The following THSD7A variants were observed in gnomAD, a reference collection of about 807,000 sequenced individuals.
THSD7A encodes thrombospondin type-1 domain-containing protein 7A.
THSD7A carries 96 observed loss-of-function variants against 231.3 expected under a neutral mutation model. The observed-to-expected ratio is 0.41, with a 90% CI of 0.35 to 0.49. The LOEUF (loss-of-function observed/expected upper bound fraction) is 0.49, where lower values mean the gene tolerates loss of function less well. Among genes scored for constraint, THSD7A ranks in the 20% least tolerant of loss-of-function variants. The pLI, the probability that THSD7A is intolerant of heterozygous loss-of-function variation, is 0.05. For missense variants in THSD7A, 2,290 were observed against 2,070.2 expected (o/e 1.11, Z -2.06); for synonymous variants, 940 against 743.3 (o/e 1.26, Z -4.30).
chr7:11,741,314 T>G (rs1207534699), intron 1 of THSD7A, among the ~76,000 whole-genome samples: 2 of 151,918 alleles, frequency 1.3e-5, no homozygotes, highest in South Asian at 2.1e-4. Flanking sequence ...GTTTAAGAGA[T>G]CCAAAGGGGA....
rs1210228314 is a variant in THSD7A at position 11,411,180 on chromosome 7, C to T, written c.3798+27G>A. 6.4e-6 allele frequency: 10 copies of T among 1,555,980 alleles called. No individual in the cohort carries two copies. The highest frequency in any genetic ancestry group is 4.5e-5 in the East Asian group (2 of 44,606). ...AAATTATTAGGGAAGAATTTACTCGCGAAGATATAACACAGCATCCACCTA... is the reference window on the plus strand; with the variant it reads ...AAATTATTAGGGAAGAATTTACTCGTGAAGATATAACACAGCATCCACCTA... On this transcript the variant is annotated intron_variant, in intron 19 of 27. Coordinates refer to ENST00000423059, the MANE Select transcript of THSD7A (RefSeq NM_015204.3). This position sits in a 1 kb window ranked among gnomAD's most constrained non-coding sequence, Gnocchi z 4.1.
At chr7:11,495,785 T>C (rs1478157039) in intron 6 of THSD7A, among the ~76,000 whole-genome samples, 1 of 152,142 alleles carries the variant, frequency 6.6e-6, no homozygotes, top group Non-Finnish European at 1.5e-5. Flanking sequence ...TTTTGAAGTC[T>C]TTACCCTGAG....
At chr7:11,515,966 G>C (rs994255042) in intron 6 of THSD7A, among the ~76,000 whole-genome samples, 1 of 152,222 alleles carries the variant, frequency 6.6e-6, no homozygotes, top group South Asian at 2.1e-4. Context: ...ATGATTTAAA[G>C]TATACTGTGA....
chr7:11,470,290 A>G (rs1459129485), intron 8 of THSD7A, among the ~76,000 whole-genome samples: 1 of 152,104 alleles, frequency 6.6e-6, no homozygotes, highest in Non-Finnish European at 1.5e-5. Flanking sequence ...CTCTCCATTA[A>G]TAAGTATTTA....
chr7:11,568,867 A>G (rs1238779711), intron 4 of THSD7A, among the ~76,000 whole-genome samples: 2 of 151,862 alleles, frequency 1.3e-5, no homozygotes, highest in Non-Finnish European at 2.9e-5. Flanking sequence ...TGATAAAAAT[A>G]AAATTTCAGT....
chr7:11,812,251 T>C (rs954513751), intron 1 of THSD7A, among the ~76,000 whole-genome samples: 1 of 152,024 alleles, frequency 6.6e-6, no homozygotes, highest in Non-Finnish European at 1.5e-5. Context: ...TGGTGTTCAA[T>C]TTAAACTCCT....
chr7:11,524,874 A>G (rs1330640420), intron 6 of THSD7A, among the ~76,000 whole-genome samples: 1 of 152,236 alleles, frequency 6.6e-6, no homozygotes, highest in East Asian at 1.9e-4. Context: ...GAAGAGTTCA[A>G]AAAAAGAAAG....
At position 11,677,584 on chromosome 7, in the gene THSD7A, C is replaced by CAAAAAAAAAAA. The variant is rs553030554; in HGVS notation, c.191-40634_191-40624dup. On this transcript the variant is annotated intron_variant, in intron 1 of 27. Coordinates refer to ENST00000423059, the MANE Select transcript of THSD7A (RefSeq NM_015204.3). ...GAAGATTGACCAAGCAAATGGAAAG[C>CAAAAAAAAAAA]AAAAAAAAAAAAAAAAAAAAAAAAA... Among the ~76,000 whole-genome samples the CAAAAAAAAAAA allele has an allele frequency of 4.9e-4, 11 of 22,272 alleles. 2 individuals carry two copies. Among genetic ancestry groups the CAAAAAAAAAAA allele is most frequent in the East Asian group, 3.2e-3 (1 of 316 alleles). The allele number at this position is 22,272 out of a possible 152,430, so 14.6% of individuals were successfully genotyped here.
chr7:11,540,731 T>A (rs1484400419), intron 6 of THSD7A, among the ~76,000 whole-genome samples: 2 of 152,168 alleles, frequency 1.3e-5, no homozygotes, highest in East Asian at 3.9e-4. Flanking sequence ...GGAAGGAAGG[T>A]AAAAATCTTA....
In THSD7A at chr7:11,445,999, G is replaced by A. The variant is rs936833112; in HGVS notation, c.3064+62C>T. 1.1e-5 allele frequency: 18 copies of A among 1,585,688 alleles called. No homozygotes were observed. In the East Asian group the frequency reaches 1.3e-4, roughly 12 times the overall value. On this transcript the variant is annotated intron_variant, in intron 13 of 27. Transcript: ENST00000423059. ...CTTCACTTCCATTCCACTATGATGC[G>A]TGTGCATTTTCCCTCCACACTCCCG...
intron 19 of THSD7A, among the ~76,000 whole-genome samples, chr7:11,409,516 A>G (rs1478092336): frequency 1.3e-5 from 2 of 152,254 alleles, no homozygotes; most frequent in Non-Finnish European, 2.9e-5. Flanking sequence ...ATTCGATGTA[A>G]GAAATCAAGA....
At chr7:11,552,487 A>G (rs1334201175) in intron 4 of THSD7A, among the ~76,000 whole-genome samples, 1 of 152,068 alleles carries the variant, frequency 6.6e-6, no homozygotes, top group Non-Finnish European at 1.5e-5. Context: ...CAAAATTTTG[A>G]GCTACAAAAA....
chr7:11,412,515 A>T, intron 18 of THSD7A, 141 bp downstream of exon 18: 1 of 986,384 alleles, frequency 1.0e-6, no homozygotes, highest in Non-Finnish European at 1.4e-6. Context: ...TCTGTCATTT[A>T]ATATGTAATT....
chr7:11,529,156 T>C (rs767203564), intron 6 of THSD7A, among the ~76,000 whole-genome samples: 11 of 152,170 alleles, frequency 7.2e-5, no homozygotes, highest in Non-Finnish European at 1.6e-4. Flanking sequence ...ATAAGTTTGG[T>C]CAAACTCACA....
At chr7:11,462,418 C>T (rs1274768628) in intron 9 of THSD7A, among the ~76,000 whole-genome samples, 1 of 152,130 alleles carries the variant, frequency 6.6e-6, no homozygotes, top group Non-Finnish European at 1.5e-5. Context: ...AAAGTAATTG[C>T]TCTTTTGTAT....
intron 9 of THSD7A, 82 bp from the exon 10 acceptor site, chr7:11,462,225 A>G (rs2128298581): frequency 2.0e-6 from 3 of 1,465,150 alleles, no homozygotes; most frequent in Non-Finnish European, 1.9e-6. Context: ...AAGAAATTAC[A>G]TTGCCTCCAG....
chr7:11,688,804 A>G (rs1201159660), intron 1 of THSD7A, among the ~76,000 whole-genome samples: 1 of 151,814 alleles, frequency 6.6e-6, no homozygotes, highest in Non-Finnish European at 1.5e-5. Context: ...CATTTCATCA[A>G]GTTCACTACT....
intron 7 of THSD7A, among the ~76,000 whole-genome samples, chr7:11,477,590 G>A (rs971501252): frequency 1.3e-5 from 2 of 151,982 alleles, no homozygotes; most frequent in East Asian, 1.9e-4. Flanking sequence ...TGGTCTGTTG[G>A]TATTATTATT....
chr7:11,474,415 C>A lies in THSD7A; in HGVS notation c.2171G>T (p.Gly724Val), dbSNP rs1419882431. Reference protein sequence around the residue: ...SSFNTTTTWNGEASCSVGMQT... With the variant: ...SSFNTTTTWNVEASCSVGMQT... ...CATGCCGACAGAGCAGGAGGCCTCC[C>A]CATTCCAAGTCGTAGTTGTGTTGAA... Residue 724 changes from glycine to valine, a missense_variant, in exon 8 of 28, where the codon GGG (glycine) becomes GTG (valine). Transcript: ENST00000423059. The surrounding 1 kb of genome is among the most constrained non-coding windows in gnomAD (Gnocchi z 4.1). 6.2e-7 allele frequency: 1 copy of A among 1,613,490 alleles called. No homozygotes were observed. Among genetic ancestry groups the A allele is most frequent in the East Asian group, 2.2e-5 (1 of 44,856 alleles).
Sources: allele counts gnomAD v4.1 joint callset (sites outside exome capture counted in the v4.1 genomes callset), GRCh38; gene constraint gnomAD v4.1.1; non-coding constraint Gnocchi (gnomAD v3.1); transcripts MANE v1.5; gene names NCBI Gene and HGNC (gene_info 2026-07-23, HGNC 2026-07-21).